Variants in MYO5A observed in about 807,000 individuals in gnomAD.
The protein encoded by MYO5A is myosin VA, also known as unconventional myosin-Va.
A neutral mutation model predicts 249.7 loss-of-function variants in MYO5A; 98 were observed. The observed-to-expected ratio is 0.39, with a 90% confidence interval of 0.33 to 0.46. MYO5A has a LOEUF of 0.46. Among genes scored for constraint, MYO5A ranks in the 20% least tolerant of loss-of-function variants. The probability of loss-of-function intolerance (pLI) is 0.98; values close to 1 mark genes in which losing one functional copy is unlikely to be tolerated. For missense variants in MYO5A, 1,696 were observed against 2,308.8 expected (o/e 0.73, Z 5.44); for synonymous variants, 778 against 810.6 (o/e 0.96, Z 0.68).
At chr15:52,524,883 T>TAA (rs1412553351) in intron 1 of MYO5A, among the ~76,000 whole-genome samples, 78 of 111,630 alleles carry the variant, frequency 7.0e-4, no homozygotes, top group African/African-American at 2.4e-3. Flanking sequence ...AAATAAAAAA[T>TAA]TAAAAAAAAA....
chr15:52,326,980 T>A (rs1410954980), intron 36 of MYO5A, among the ~76,000 whole-genome samples: 1 of 152,218 alleles, frequency 6.6e-6, no homozygotes. Flanking sequence ...GTAGGCTTTC[T>A]GCTCAGTTAT....
rs148810515 is a variant in MYO5A, at chr15:52,429,650, C to T, written c.139-1081G>A. ...GTTGCAGTGAGCCAAGATCACGCTA[C>T]TGAACTCCAGCCTGGGCTACAGAGC... On this transcript the variant is annotated intron_variant, in intron 2 of 41. Transcript: ENST00000399233. Among the ~76,000 whole-genome samples the T allele has an allele frequency of 9.9e-5, 15 of 152,146 alleles. No homozygotes were observed. The East Asian group carries it at 2.5e-3, about 25-fold the overall frequency.
At chr15:52,449,562 CT>C (rs34473347) in intron 1 of MYO5A, among the ~76,000 whole-genome samples, 3,681 of 152,334 alleles carry the variant, frequency 0.024, 66 homozygotes, top group Middle Eastern at 0.054. Context: ...CTGGAACACT[CT>C]GGCCTGGCAT....
At chr15:52,416,537 A>G (rs149898268) in intron 4 of MYO5A, among the ~76,000 whole-genome samples, 86 of 151,848 alleles carry the variant, frequency 5.7e-4, no homozygotes, top group African/African-American at 2.0e-3. Context: ...TGAGGAGGAT[A>G]TTTATTATTT....
rs142076761 is a variant in MYO5A at position 52,417,783 on chromosome 15, A to G, written c.456-1482T>C. 2.7e-3 allele frequency among the ~76,000 whole-genome samples: 415 copies of G among 152,256 alleles called. 1 individual carries two copies. The highest frequency in any genetic ancestry group is 9.4e-3 in the African/African-American group (392 of 41,546). ...TCATGTGCCCTCCTACTACTGAATGACCTTTGCCAGATGCCAGCGCTGTGC... is the reference window on the plus strand; with the variant it reads ...TCATGTGCCCTCCTACTACTGAATGGCCTTTGCCAGATGCCAGCGCTGTGC... On this transcript the variant is annotated intron_variant, in intron 4 of 41. Transcript: ENST00000399233.
At chr15:52,452,803 G>A (rs2076046247) in intron 1 of MYO5A, among the ~76,000 whole-genome samples, 1 of 150,448 alleles carries the variant, frequency 6.6e-6, no homozygotes, top group Admixed American at 6.6e-5. Flanking sequence ...AGCCAAGATT[G>A]CGCCACTGTA....
intron 1 of MYO5A, among the ~76,000 whole-genome samples, chr15:52,471,831 T>G (rs369736533): frequency 1.3e-5 from 2 of 151,990 alleles, no homozygotes; most frequent in South Asian, 4.2e-4. Flanking sequence ...CCTGAGTAGA[T>G]AGAACTACAA....
chr15:52,475,206 T>C (rs1030037748), intron 1 of MYO5A, among the ~76,000 whole-genome samples: 13 of 152,364 alleles, frequency 8.5e-5, no homozygotes, highest in African/African-American at 2.9e-4. Context: ...TGATGGTAGT[T>C]TGTATCTCTG....
At chr15:52,474,298 T>C (rs1341580629) in intron 1 of MYO5A, among the ~76,000 whole-genome samples, 4 of 152,210 alleles carry the variant, frequency 2.6e-5, no homozygotes, top group African/African-American at 7.2e-5. Flanking sequence ...GCTGAGACAA[T>C]GGGGTTTTCT....
Position 52,307,608 on chromosome 15 carries a change from G to C in MYO5A, c.*6088C>G, listed in dbSNP as rs1157897337. The C allele has an allele frequency of 6.6e-6, 1 of 152,008 alleles. No individual in the cohort carries two copies. The highest frequency in any genetic ancestry group is 1.5e-5 in the Non-Finnish European group (1 of 67,948). 9.4% of individuals were successfully genotyped at this position (152,008 alleles called of 1,614,324 possible). On this transcript the variant is annotated 3_prime_UTR_variant, in exon 42 of 42. Transcript: ENST00000399233. ...TCTGCTTCCTTTTTAATGGGTAAAT[G>C]TTTCACCTAAGAACTTTCAAAAAAT...
intron 1 of MYO5A, among the ~76,000 whole-genome samples, chr15:52,453,060 T>A (rs377594080): frequency 2.6e-5 from 4 of 151,846 alleles, no homozygotes; most frequent in African/African-American, 9.7e-5. Context: ...CATATAAATA[T>A]CCAGGTATAG....
intron 23 of MYO5A, among the ~76,000 whole-genome samples, chr15:52,365,606 T>C (rs923214400): frequency 1.3e-5 from 2 of 152,254 alleles, no homozygotes; most frequent in Non-Finnish European, 2.9e-5. Context: ...GCTTTCTCTG[T>C]GAGCACGATG....
intron 34 of MYO5A, 114 bp from the exon 35 acceptor site, chr15:52,330,613 T>A: frequency 1.6e-6 from 2 of 1,246,046 alleles, no homozygotes; most frequent in Non-Finnish European, 2.3e-6. Flanking sequence ...TTGCCATATT[T>A]GCCACTTAAT....
chr15:52,459,978 C>G (rs922360881), intron 1 of MYO5A, among the ~76,000 whole-genome samples: 10 of 151,800 alleles, frequency 6.6e-5, no homozygotes, highest in Non-Finnish European at 1.0e-4. Flanking sequence ...GGGGTGGCGG[C>G]GGGGCAGAGA....
intron 1 of MYO5A, among the ~76,000 whole-genome samples, chr15:52,464,169 C>G (rs556210193): frequency 6.6e-6 from 1 of 152,284 alleles, no homozygotes; most frequent in South Asian, 2.1e-4. Flanking sequence ...TTGTCGCCAG[C>G]CCAACCCCAG....
Position 52,346,344 on chromosome 15 carries a change from A to G in MYO5A, c.3959+17T>C. On this transcript the variant is annotated intron_variant, in intron 30 of 41. Coordinates refer to ENST00000399233, the MANE Select transcript of MYO5A (RefSeq NM_001382347.1). ...AATATAATTAAACCAAAATGAATAA[A>G]AGAAGGATCAACTTACCTATTTGTT... 5 of 1,463,916 alleles carry G rather than the reference A, an allele frequency of 3.4e-6. No homozygotes were observed. The highest frequency in any genetic ancestry group is 4.8e-6 in the Non-Finnish European group (5 of 1,047,302). The allele number at this position is 1,463,916 out of a possible 1,614,324, so 90.7% of individuals were successfully genotyped here. A position where few individuals can be genotyped will look rare whatever the true frequency, so the allele number is the denominator to read the frequency against.
At chr15:52,447,203 C>T (rs1242003040) in intron 1 of MYO5A, among the ~76,000 whole-genome samples, 2 of 152,026 alleles carry the variant, frequency 1.3e-5, no homozygotes, top group Admixed American at 6.6e-5. Context: ...ATCATGGGGG[C>T]GGCTCCCTCA....
chr15:52,528,955 G>T, upstream of MYO5A: 1 of 507,400 alleles, frequency 2.0e-6, no homozygotes, highest in Non-Finnish European at 2.6e-6. Flanking sequence ...GGGGCGGGGC[G>T]GGGCGGGGCG....
At chr15:52,471,663 G>A (rs1422349396) in intron 1 of MYO5A, among the ~76,000 whole-genome samples, 1 of 150,640 alleles carries the variant, frequency 6.6e-6, no homozygotes, top group Non-Finnish European at 1.5e-5. Flanking sequence ...CTTCTTTCAG[G>A]CAGATATCCT....
Sources: allele counts gnomAD v4.1 joint callset (sites outside exome capture counted in the v4.1 genomes callset), GRCh38; gene constraint gnomAD v4.1.1; transcripts MANE v1.5; gene names NCBI Gene and HGNC (gene_info 2026-07-23, HGNC 2026-07-21).